GPR19: variants seen among roughly 807,000 people sequenced by gnomAD.
GPR19 encodes the protein G protein-coupled receptor 19, also known as probable G protein-coupled receptor 19.
In GPR19, 14 loss-of-function variants were observed where a neutral mutation model predicts 28.5. That is an observed-to-expected ratio of 0.49 (90% CI 0.32 to 0.77). The LOEUF is 0.77. Among genes scored for constraint, GPR19 ranks in the 30% least tolerant of loss-of-function variants. GPR19 has a pLI of 0.03. For synonymous variants in GPR19, 173 were observed against 184.1 expected (o/e 0.94, Z 0.49); for missense variants, 409 against 504.1 (o/e 0.81, Z 1.81).
chr12:12,680,627 C>T (rs1257468471), intron 3 of GPR19, among the ~76,000 whole-genome samples: 1 of 152,096 alleles, frequency 6.6e-6, no homozygotes, highest in Non-Finnish European at 1.5e-5. Context: ...CTACCTCCGT[C>T]TCCCGAGGAC....
At chr12:12,686,339 A>G (rs1207152431) in intron 2 of GPR19, among the ~76,000 whole-genome samples, 4 of 152,206 alleles carry the variant, frequency 2.6e-5, no homozygotes, top group Admixed American at 1.3e-4. Context: ...TAGTTTTTCT[A>G]TGTAAGACTC....
chr12:12,703,586 C>G, the GPR19 span: 2 of 175,082 alleles, frequency 1.1e-5, no homozygotes, highest in South Asian at 3.8e-4. Flanking sequence ...TGTCTGTTTT[C>G]TTCTTACTGT....
chr12:12,685,771 C>G (rs956129871), intron 2 of GPR19, among the ~76,000 whole-genome samples: 1 of 152,118 alleles, frequency 6.6e-6, no homozygotes, highest in Admixed American at 6.6e-5. Context: ...ATGAAAATTC[C>G]AGCTTCACAG....
intron 1 of GPR19, 81 bp from the exon 2 acceptor site, chr12:12,695,592 C>G (rs1233055513): frequency 6.6e-6 from 1 of 152,242 alleles, no homozygotes; most frequent in African/African-American, 2.4e-5. Context: ...CGCGACTGTT[C>G]TTCGCAATTC....
chr12:12,700,001 T>TG (rs1486774424), upstream of GPR19, among the ~76,000 whole-genome samples: 2 of 146,068 alleles, frequency 1.4e-5, no homozygotes, highest in Non-Finnish European at 3.0e-5. Flanking sequence ...TTTGTAAAGA[T>TG]GGGGTCTCCT....
intron 1 of GPR19, among the ~76,000 whole-genome samples, chr12:12,695,719 T>G (rs117578151): frequency 6.6e-6 from 1 of 152,346 alleles, no homozygotes; most frequent in Non-Finnish European, 1.5e-5. Context: ...CATTTCTGCC[T>G]GTTTACAAAC....
chr12:12,686,290 T>C (rs1946097276), intron 2 of GPR19, among the ~76,000 whole-genome samples: 1 of 152,264 alleles, frequency 6.6e-6, no homozygotes, highest in African/African-American at 2.4e-5. Flanking sequence ...ATCCTCATCG[T>C]ATTTTCTACT....
chr12:12,711,757 C>G, the GPR19 span, among the ~76,000 whole-genome samples: 53 of 152,266 alleles, frequency 3.5e-4, no homozygotes, highest in African/African-American at 1.2e-3. Flanking sequence ...TCTGTTACCT[C>G]TCTTAGTTAA....
upstream of GPR19, among the ~76,000 whole-genome samples, chr12:12,698,117 AG>A (rs1389507647): frequency 6.6e-6 from 1 of 152,234 alleles, no homozygotes; most frequent in Non-Finnish European, 1.5e-5. Context: ...TAAGTATGGG[AG>A]TGGAAGAGCT....
chr12:12,699,025 T>G (rs1302124321), upstream of GPR19, among the ~76,000 whole-genome samples: 1 of 152,070 alleles, frequency 6.6e-6, no homozygotes, highest in African/African-American at 2.4e-5. Context: ...AGCATTGAAA[T>G]TAGCTTAATC....
intron 2 of GPR19, among the ~76,000 whole-genome samples, chr12:12,685,653 C>T (rs373134294): frequency 2.2e-4 from 33 of 152,246 alleles, no homozygotes; most frequent in Admixed American, 6.5e-4. Context: ...GGATTGCTGT[C>T]GGTCCTAAAT....
chr12:12,684,149 C>T (rs911015115), intron 3 of GPR19: 4 of 152,068 alleles, frequency 2.6e-5, no homozygotes, highest in Non-Finnish European at 5.9e-5. Flanking sequence ...AATTTCCATC[C>T]AATTTTTCAA....
Position 12,661,286 on chromosome 12 carries a change from G to A in GPR19, c.1163C>T (p.Ser388Leu), listed in dbSNP as rs757037664. 9 of 1,613,302 alleles carry A rather than the reference G, an allele frequency of 5.6e-6. No homozygotes were observed. The highest frequency in any genetic ancestry group is 4.5e-5 in the East Asian group (2 of 44,886). Residue 388 changes from serine to leucine, a missense_variant, in exon 4 of 4, where the codon TCG becomes TTG. Ser to Leu is a moderately radical substitution (Grantham distance 145, BLOSUM62 -2). Transcript: ENST00000651487. The surrounding 1 kb of genome is among the most constrained non-coding windows in gnomAD (Gnocchi z 4.2). ...TTCTCTGTCAAATGAGTCATAGATC[G>A]AGTCTTTGGTAATAGTTTTGGCCAT... ...PSMAKTITKD[S>L]IYDSFDREAK...
Position 12,661,032 on chromosome 12 carries a change from AAAGC to A in GPR19, c.*165_*168del. 1.8e-6 allele frequency: 1 copy of A among 550,310 alleles called. No homozygotes were observed. The highest frequency in any genetic ancestry group is 3.1e-6 in the Non-Finnish European group (1 of 320,642). The allele number at this position is 550,310 out of a possible 1,614,324, so 34.1% of individuals were successfully genotyped here. On this transcript the variant is annotated 3_prime_UTR_variant, in exon 4 of 4. Transcript: ENST00000651487. The surrounding 1 kb of genome is among the most constrained non-coding windows in gnomAD (Gnocchi z 4.2). ...AGTGAACGCTTTTCCTAAAACATAAAAAGCAAGTAAAATAAAACCCACAAAAACT... is the reference window on the plus strand; with the variant it reads ...AGTGAACGCTTTTCCTAAAACATAAAAAGTAAAATAAAACCCACAAAAACT...
chr12:12,688,858 G>A (rs931730724), intron 2 of GPR19: 6 of 152,286 alleles, frequency 3.9e-5, no homozygotes, highest in African/African-American at 1.2e-4. Context: ...GAGTTCACCA[G>A]CTGCAGGCTT....
chr12:12,670,705 A>G (rs1945844608), intron 3 of GPR19, among the ~76,000 whole-genome samples: 1 of 152,222 alleles, frequency 6.6e-6, no homozygotes, highest in Non-Finnish European at 1.5e-5. Context: ...CATATGACAA[A>G]CAAATTTTAG....
intron 3 of GPR19, among the ~76,000 whole-genome samples, chr12:12,678,210 C>T (rs892814846): frequency 9.9e-5 from 15 of 151,384 alleles, no homozygotes; most frequent in African/African-American, 3.6e-4. Flanking sequence ...TCTAGGAGCT[C>T]GACCTGTAAT....
rs569710894 is a variant in GPR19 at position 12,678,413 on chromosome 12, C to T, written c.-23+5938G>A. On this transcript the variant is annotated intron_variant, in intron 3 of 3. Transcript: ENST00000651487. ...GTTGATATGCACGGTCCTGATATGC[C>T]ACAAGTATAACATGAAATCTAAATT... Among the ~76,000 whole-genome samples the T allele has an allele frequency of 2.1e-4, 32 of 152,194 alleles. No individual in the cohort carries two copies. The South Asian group carries it at 6.2e-3, about 30-fold the overall frequency.
rs755848129 is a variant in GPR19, at chr12:12,662,245, G to T, written c.204C>A (p.Ala68=). Residue 68 remains alanine, a synonymous_variant, in exon 4 of 4, where the codon GCC becomes GCA. Transcript: ENST00000651487. ...YVLKPGEVAT[A]SIFFGILWLF... ...ACCACAGAATCCCAAAGAAGATGCT[G>T]GCTGTGGCCACTTCCCCGGGTTTCA... 14 of 1,614,118 alleles carry T rather than the reference G, an allele frequency of 8.7e-6. No individual in the cohort carries two copies. Among genetic ancestry groups the T allele is most frequent in the Middle Eastern group, 3.3e-4 (2 of 6,084 alleles).
Sources: gnomAD v4.1 joint callset for allele counts (sites outside exome capture counted in the v4.1 genomes callset) on GRCh38, gnomAD v4.1.1 for gene constraint, Gnocchi (gnomAD v3.1) non-coding constraint, MANE v1.5 for transcripts, NCBI Gene and HGNC (gene_info 2026-07-23, HGNC 2026-07-21) for gene names.